MED13L: variants seen among roughly 807,000 people sequenced by gnomAD.
MED13L encodes mediator of RNA polymerase II transcription subunit 13-like.
In MED13L, 7 loss-of-function variants were observed where a neutral mutation model predicts 220.9. The observed-to-expected ratio is 0.03, with a 90% confidence interval of 0.02 to 0.06. MED13L has a LOEUF of 0.06. Among genes scored for constraint, MED13L ranks in the 10% least tolerant of loss-of-function variants. MED13L has a pLI of 1.00. For missense variants in MED13L, 1,965 were observed against 2,760.5 expected (o/e 0.71, Z 6.46); for synonymous variants, 1,011 against 1,015.2 (o/e 1.00, Z 0.08).
chr12:116,133,579 T>C lies in MED13L; in HGVS notation c.311-22067A>G, dbSNP rs139717441. ...ACAGTTCGCCCCATCTGACAAACAATATTTTCCAAAGATAGCTCACAATAT... is the reference window on the plus strand; with the variant it reads ...ACAGTTCGCCCCATCTGACAAACAACATTTTCCAAAGATAGCTCACAATAT... On this transcript the variant is annotated intron_variant, in intron 2 of 30. Transcript: ENST00000281928. Among the ~76,000 whole-genome samples, 44 of 152,160 alleles carry C rather than the reference T, an allele frequency of 2.9e-4. No individual in the cohort carries two copies. In the East Asian group the frequency reaches 6.6e-3, roughly 23 times the overall value.
intron 2 of MED13L, among the ~76,000 whole-genome samples, chr12:116,182,292 C>G (rs1272620414): frequency 1.3e-5 from 2 of 152,142 alleles, no homozygotes; most frequent in Non-Finnish European, 1.5e-5. Context: ...GTGCAGAAAT[C>G]AAATCACACT....
At chr12:116,100,892 T>C (rs977853470) in intron 3 of MED13L, among the ~76,000 whole-genome samples, 1 of 152,092 alleles carries the variant, frequency 6.6e-6, no homozygotes, top group South Asian at 2.1e-4. Flanking sequence ...CCAGCCTGGA[T>C]GACAGAGTGA....
chr12:116,136,860 T>C (rs982788629), intron 2 of MED13L, among the ~76,000 whole-genome samples: 34 of 152,192 alleles, frequency 2.2e-4, no homozygotes, highest in African/African-American at 8.2e-4. Context: ...GTAACACATA[T>C]TACATGCACA....
chr12:116,189,328 C>T (rs1324497060), intron 2 of MED13L, among the ~76,000 whole-genome samples: 1 of 151,744 alleles, frequency 6.6e-6, no homozygotes, highest in Non-Finnish European at 1.5e-5. Context: ...TATCTTTTGC[C>T]CATCTTCTAA....
Position 115,991,262 on chromosome 12 carries a change from T to C in MED13L, c.3692A>G (p.Asn1231Ser). ...TGAAGCAAAAGGTTGTGTGTGTTGA[T>C]TCTGGAGGAGGAGGAGAAGGCTTAT... ...PPISLLLLLQ[N>S]QHTQPFASLN... Residue 1231 changes from asparagine (N) to serine (S), a missense_variant, in exon 17 of 31, where the codon AAT (asparagine) becomes AGT (serine). Asn to Ser is a conservative substitution (Grantham distance 46, BLOSUM62 1). This residue lies in a region of MED13L where 165 missense variants were observed against 190.8 expected (regional missense o/e 0.86). Coordinates refer to ENST00000281928, the MANE Select transcript of MED13L (RefSeq NM_015335.5). The surrounding 1 kb of genome is among the most constrained non-coding windows in gnomAD (Gnocchi z 7.7). 1 of 1,614,170 alleles carries C rather than the reference T, an allele frequency of 6.2e-7. No homozygotes were observed. The highest frequency in any genetic ancestry group is 1.1e-5 in the South Asian group (1 of 91,084).
chr12:116,116,533 A>G (rs1874536133), intron 2 of MED13L, among the ~76,000 whole-genome samples: 2 of 152,070 alleles, frequency 1.3e-5, no homozygotes, highest in African/African-American at 2.4e-5. Context: ...AAACATAAGT[A>G]AAGTTTTCCC....
intron 4 of MED13L, among the ~76,000 whole-genome samples, chr12:116,083,599 A>C (rs572528063): frequency 6.6e-6 from 1 of 152,136 alleles, no homozygotes; most frequent in South Asian, 2.1e-4. Flanking sequence ...TTTTCAGAGG[A>C]GCAGGCTACT....
intron 3 of MED13L, among the ~76,000 whole-genome samples, chr12:116,097,790 A>G (rs1872735713): frequency 1.3e-5 from 2 of 152,356 alleles, no homozygotes; most frequent in Admixed American, 1.3e-4. Context: ...AAGTGAACCC[A>G]ACTCTTGTAA....
At chr12:116,114,059 C>G (rs1227289589) in intron 2 of MED13L, among the ~76,000 whole-genome samples, 1 of 152,160 alleles carries the variant, frequency 6.6e-6, no homozygotes, top group Non-Finnish European at 1.5e-5. Flanking sequence ...TCAGCAAGGT[C>G]TGCCAATTCT....
intron 2 of MED13L, among the ~76,000 whole-genome samples, chr12:116,230,928 A>G (rs1869497179): frequency 6.6e-6 from 1 of 152,212 alleles, no homozygotes; most frequent in African/African-American, 2.4e-5. Context: ...TGATTTTGGA[A>G]AATTCAATGT....
In MED13L at chr12:115,959,216, TTTC is replaced by T. The variant is rs1875608134; in HGVS notation, c.*2047_*2049del. ...AAAACGTATAAATATGTCACCAGCT[TTTC>T]TTAACTTAAAAAACTTAAATAAAAG... On this transcript the variant is annotated 3_prime_UTR_variant, in exon 31 of 31. Coordinates refer to ENST00000281928, the MANE Select transcript of MED13L (RefSeq NM_015335.5). 1 of 152,550 alleles carries T rather than the reference TTTC, an allele frequency of 6.6e-6. No homozygotes were observed. Among genetic ancestry groups the T allele is most frequent in the Non-Finnish European group, 1.5e-5 (1 of 68,018 alleles). 9.4% of individuals were successfully genotyped at this position (152,550 alleles called of 1,614,324 possible). A position where few individuals can be genotyped will look rare whatever the true frequency, so the allele number is the denominator to read the frequency against.
At chr12:116,210,676 C>T (rs1051205085) in intron 2 of MED13L, among the ~76,000 whole-genome samples, 12 of 150,402 alleles carry the variant, frequency 8.0e-5, no homozygotes, top group African/African-American at 2.9e-4. Flanking sequence ...ATTAATCCTA[C>T]AAATATACTA....
At chr12:115,988,750 C>A (rs1329142932) in intron 17 of MED13L, among the ~76,000 whole-genome samples, 1 of 152,134 alleles carries the variant, frequency 6.6e-6, no homozygotes, top group Admixed American at 6.5e-5. Flanking sequence ...AAATTTGAAA[C>A]CCAGACCTCC....
intron 2 of MED13L, among the ~76,000 whole-genome samples, chr12:116,145,494 C>CT (rs947554489): frequency 6.6e-6 from 1 of 151,586 alleles, no homozygotes; most frequent in Non-Finnish European, 1.5e-5. Context: ...GCTTCAAGCG[C>CT]TTTTTTTTCT....
intron 2 of MED13L, among the ~76,000 whole-genome samples, chr12:116,196,338 G>A (rs11067940): frequency 2.0e-5 from 3 of 150,796 alleles, no homozygotes; most frequent in Non-Finnish European, 2.9e-5. Flanking sequence ...TGTTTCCACA[G>A]AGCAAAATTG....
At chr12:116,205,295 T>G (rs1882240456) in intron 2 of MED13L, among the ~76,000 whole-genome samples, 1 of 152,146 alleles carries the variant, frequency 6.6e-6, no homozygotes, top group Admixed American at 6.5e-5. Context: ...AAAGAGGTGC[T>G]GTAATACAAA....
intron 9 of MED13L, among the ~76,000 whole-genome samples, chr12:116,009,548 T>C (rs1327040220): frequency 2.6e-5 from 4 of 152,194 alleles, no homozygotes; most frequent in African/African-American, 9.7e-5. Context: ...TAATATAGAA[T>C]GGCTTATAAT....
rs369012328 is a variant in MED13L, at chr12:116,274,545, A to G, written c.72+2515T>C. The stretch of plus-strand genomic sequence containing the variant: ...GATTACATCTCCTTCAGAAATAACT[A>G]TGATATACAATGTACTTTGGGCAAC... On this transcript the variant is annotated intron_variant, in intron 1 of 30. Transcript: ENST00000281928. Among the ~76,000 whole-genome samples the G allele has an allele frequency of 9.9e-5, 15 of 152,072 alleles. No homozygotes were observed. In the East Asian group the frequency reaches 2.7e-3, roughly 27 times the overall value.
chr12:116,231,968 C>A (rs965284287), intron 2 of MED13L: 1 of 443,194 alleles, frequency 2.3e-6, no homozygotes, highest in African/African-American at 2.1e-5. Flanking sequence ...GATTACAAAA[C>A]TAAAAAAATC....
Sources: allele counts gnomAD v4.1 joint callset (sites outside exome capture counted in the v4.1 genomes callset), GRCh38; gene constraint gnomAD v4.1.1; regional missense constraint gnomAD v4.1.1; non-coding constraint Gnocchi (gnomAD v3.1); transcripts MANE v1.5; gene names NCBI Gene and HGNC (gene_info 2026-07-23, HGNC 2026-07-21).